The following NAA30 variants were observed in gnomAD, a reference collection of about 807,000 sequenced individuals.
NAA30 encodes N-alpha-acetyltransferase 30.
In NAA30, 5 loss-of-function variants were observed where a neutral mutation model predicts 31.4. The ratio of observed to expected loss-of-function variants is 0.16; its 90% CI spans 0.08 to 0.33. The LOEUF is 0.33. Ranked by LOEUF, NAA30 falls within the 10% of genes least tolerant of loss-of-function variation. NAA30 has a pLI of 1.00. For missense variants in NAA30, 428 were observed against 490.8 expected, an observed-to-expected ratio of 0.87 and a Z score of 1.21; for synonymous variants, 222 against 207.1, an observed-to-expected ratio of 1.07 and a Z score of -0.62.
rs2066516459 is a variant in NAA30 at position 57,410,004 on chromosome 14, G to GT, written c.*489dup. ...TTAAATTTTCCATTCTTGAATATTG[G>GT]TACCTCAGTGATTAGTGAATGAAAA... On this transcript the variant is annotated 3_prime_UTR_variant, in exon 5 of 5. Transcript: ENST00000556492. 1 of 152,562 alleles carries GT rather than the reference G, an allele frequency of 6.6e-6. No individual in the cohort carries two copies. Among genetic ancestry groups the GT allele is most frequent in the Non-Finnish European group, 1.5e-5 (1 of 68,054 alleles). 9.5% of individuals were successfully genotyped at this position (152,562 alleles called of 1,614,324 possible). A position where few individuals can be genotyped will look rare whatever the true frequency, so the allele number is the denominator to read the frequency against.
intron 4 of NAA30, 38 bp downstream of exon 4, chr14:57,399,921 CATT>C: frequency 1.0e-6 from 1 of 952,636 alleles, no homozygotes; most frequent in Non-Finnish European, 1.6e-6. Context: ...TTTATCTGGG[CATT>C]ATTCTTTCTG....
At chr14:57,403,040 G>A (rs758425215) in intron 4 of NAA30, among the ~76,000 whole-genome samples, 3 of 152,136 alleles carry the variant, frequency 2.0e-5, no homozygotes, top group Non-Finnish European at 4.4e-5. Flanking sequence ...AATTAGCTGG[G>A]CGTGGTGCCA....
At chr14:57,399,911 T>C (rs951546441) in intron 4 of NAA30, 28 bp downstream of exon 4, 20 of 1,040,952 alleles carry the variant, frequency 1.9e-5, no homozygotes, top group African/African-American at 7.7e-5. Flanking sequence ...TTTAATATTT[T>C]TTATCTGGGC....
intron 3 of NAA30, 109 bp downstream of exon 3, chr14:57,396,984 G>T: frequency 9.5e-7 from 1 of 1,054,120 alleles, no homozygotes. Context: ...AGAAACTAAG[G>T]GAAGAAAATT....
At chr14:57,401,720 A>G (rs980646707) in intron 4 of NAA30, among the ~76,000 whole-genome samples, 1 of 152,166 alleles carries the variant, frequency 6.6e-6, no homozygotes, top group Non-Finnish European at 1.5e-5. Context: ...TTGCTATCCT[A>G]AGTTACTACT....
rs1178237405 is a variant in NAA30 at position 57,410,915 on chromosome 14, A to ATCTGTTGT, written c.*1401_*1408dup. 1.3e-5 allele frequency: 2 copies of ATCTGTTGT among 152,510 alleles called. No individual in the cohort carries two copies. The highest frequency in any genetic ancestry group is 4.8e-5 in the African/African-American group (2 of 41,436). The allele number at this position is 152,510 out of a possible 1,614,324, so 9.4% of individuals were successfully genotyped here. ...TTCATTCTCTGTGAAAACTGTAGGA[A>ATCTGTTGT]TCTGTTGTTGTTTTCATTTGAATAT... On this transcript the variant is annotated 3_prime_UTR_variant, in exon 5 of 5. Transcript: ENST00000556492.
intron 4 of NAA30, among the ~76,000 whole-genome samples, chr14:57,404,801 G>T (rs763122844): frequency 1.3e-5 from 2 of 152,072 alleles, no homozygotes; most frequent in African/African-American, 4.8e-5. Context: ...ATCGGATCTC[G>T]TGAGACTTAA....
At position 57,396,832 on chromosome 14, in the gene NAA30, A is replaced by C; in HGVS notation, c.852A>C (p.Ile284=). The change falls in exon 3 of 5, where the codon ATA becomes ATC. Residue 284 remains isoleucine, a synonymous_variant. Coordinates refer to ENST00000556492, the MANE Select transcript of NAA30 (RefSeq NM_001011713.3). ...MHKKMFRRGY[I]AMLAVDSKYR... Reference sequence around the variant, plus strand: ...AAAAGATGTTCCGCAGAGGTTATATAGCCATGTTAGCCGTGGATTCCAAAT... The same window carrying C: ...AAAAGATGTTCCGCAGAGGTTATATCGCCATGTTAGCCGTGGATTCCAAAT... The C allele has an allele frequency of 6.2e-7, 1 of 1,614,130 alleles. No homozygotes were observed. Among genetic ancestry groups the C allele is most frequent in the Non-Finnish European group, 8.5e-7 (1 of 1,179,976 alleles).
At chr14:57,390,870 T>C (rs1489044525) in intron 1 of NAA30, 87 bp from the exon 2 acceptor site, 1 of 1,385,706 alleles carries the variant, frequency 7.2e-7, no homozygotes, top group Non-Finnish European at 9.4e-7. Context: ...TCCCCCCACC[T>C]CGGCCGCCCC....
At position 57,391,128 on chromosome 14, in the gene NAA30, G is replaced by T; in HGVS notation, c.171G>T (p.Ala57=). ...AAGGCGGCGGCAGCAGGAGCCCGGC[G>T]GGCGGAGAGTCGGCGACGGTGGCGG... ...EHEGGGSRSP[A]GGESATVAAK... is the part of the protein sequence containing the mutation. The change falls in exon 2 of 5, where the codon GCG becomes GCT. Residue 57 remains alanine, a synonymous_variant. Transcript: ENST00000556492. The surrounding 1 kb of genome is among the most constrained non-coding windows in gnomAD (Gnocchi z 4.1). The T allele has an allele frequency of 1.3e-6, 2 of 1,576,654 alleles. No individual in the cohort carries two copies. The highest frequency in any genetic ancestry group is 1.2e-5 in the South Asian group (1 of 86,752).
rs1405028095 is a variant in NAA30, at chr14:57,415,376, A to C, written c.*5860A>C. 3.3e-5 allele frequency: 5 copies of C among 152,224 alleles called. No homozygotes were observed. Among genetic ancestry groups the C allele is most frequent in the Non-Finnish European group, 7.3e-5 (5 of 68,042 alleles). 9.4% of individuals were successfully genotyped at this position (152,224 alleles called of 1,614,324 possible). The stretch of plus-strand genomic sequence containing the variant: ...GTCTCCTATGTTTTCCTTTCATGCC[A>C]AAGAAACTCACCCTTTTTAAAAGCC... On this transcript the variant is annotated 3_prime_UTR_variant, in exon 5 of 5. Transcript: ENST00000556492.
chr14:57,415,094 A>G lies in NAA30; in HGVS notation c.*5578A>G, dbSNP rs1008516364. On this transcript the variant is annotated 3_prime_UTR_variant, in exon 5 of 5. Coordinates refer to ENST00000556492, the MANE Select transcript of NAA30 (RefSeq NM_001011713.3). The stretch of plus-strand genomic sequence containing the variant: ...CTTAATTTTCTAATACCTCAGTTTC[A>G]TGAGAACTGTATGTACATTTTTGTA... The G allele has an allele frequency of 3.9e-5, 6 of 152,182 alleles. No individual in the cohort carries two copies. The highest frequency in any genetic ancestry group is 1.4e-4 in the African/African-American group (6 of 41,442). 9.4% of individuals were successfully genotyped at this position (152,182 alleles called of 1,614,324 possible).
chr14:57,391,515 G>A lies in NAA30; in HGVS notation c.558G>A (p.Leu186=). 1 of 1,613,490 alleles carries A rather than the reference G, an allele frequency of 6.2e-7. No individual in the cohort carries two copies. Among genetic ancestry groups the A allele is most frequent in the Non-Finnish European group, 8.5e-7 (1 of 1,179,902 alleles). Residue 186 remains leucine, a synonymous_variant, in exon 2 of 5, where the codon CTG becomes CTA. Coordinates refer to ENST00000556492, the MANE Select transcript of NAA30 (RefSeq NM_001011713.3). The surrounding 1 kb of genome is among the most constrained non-coding windows in gnomAD (Gnocchi z 4.1). The stretch of plus-strand genomic sequence containing the variant: ...AGGAGGAAGACGAGCAGGTGCGGCT[G>A]CTGTCTTCGTCCCTGACCGCCGACT... ...EEEEEDEQVR[L]LSSSLTADCS... is the part of the protein sequence containing the mutation.
At chr14:57,404,948 G>C (rs1049657409) in intron 4 of NAA30, among the ~76,000 whole-genome samples, 21 of 152,034 alleles carry the variant, frequency 1.4e-4, no homozygotes, top group Non-Finnish European at 2.2e-4. Context: ...ATCCAATTTG[G>C]TGTTTTCTTT....
chr14:57,413,621 A>G lies in NAA30; in HGVS notation c.*4105A>G, dbSNP rs2139769771. ...ATTCTTGTGCCTTAGCCTCCTGAGT[A>G]GCTGGGACTACAGGTGCATGCCACC... On this transcript the variant is annotated 3_prime_UTR_variant, in exon 5 of 5. Transcript: ENST00000556492. 1 of 152,390 alleles carries G rather than the reference A, an allele frequency of 6.6e-6. No homozygotes were observed. Among genetic ancestry groups the G allele is most frequent in the Middle Eastern group, 3.4e-3 (1 of 298 alleles). 9.4% of individuals were successfully genotyped at this position (152,390 alleles called of 1,614,324 possible). A position where few individuals can be genotyped will look rare whatever the true frequency, so the allele number is the denominator to read the frequency against.
At chr14:57,405,534 T>G (rs1462289200) in intron 4 of NAA30, among the ~76,000 whole-genome samples, 1 of 152,130 alleles carries the variant, frequency 6.6e-6, no homozygotes, top group African/African-American at 2.4e-5. Flanking sequence ...GCAAGGATTT[T>G]GGGTGAGTAG....
At chr14:57,396,371 A>G (rs1248974471) in intron 2 of NAA30, among the ~76,000 whole-genome samples, 1 of 151,132 alleles carries the variant, frequency 6.6e-6, no homozygotes, top group Non-Finnish European at 1.5e-5. Context: ...CTTTTTCTTT[A>G]TAATCATTTT....
Position 57,391,834 on chromosome 14 carries a change from CAT to C in NAA30, c.771+108_771+109del. On this transcript the variant is annotated intron_variant, in intron 2 of 4. Transcript: ENST00000556492. This position sits in a 1 kb window ranked among gnomAD's most constrained non-coding sequence, Gnocchi z 4.1. ...GCAGTGGATATCTCCTGCTGCGTAT[CAT>C]AGTACGTTATATGATGTCAAGTGCT... 1 of 830,520 alleles carries C rather than the reference CAT, an allele frequency of 1.2e-6. No individual in the cohort carries two copies. The highest frequency in any genetic ancestry group is 1.9e-6 in the Non-Finnish European group (1 of 520,268). The allele number at this position is 830,520 out of a possible 1,614,324, so 51.4% of individuals were successfully genotyped here.
Position 57,391,251 on chromosome 14 carries a change from C to A in NAA30, c.294C>A (p.Ala98=). ...ISPELRHLRA[A]ASLKSKVLSV... ...CCGAACTGCGGCACCTCCGGGCGGC[C>A]GCCTCCCTCAAGAGCAAGGTCCTGA... Residue 98 remains alanine (A), a synonymous_variant, in exon 2 of 5, where the codon GCC becomes GCA. Transcript: ENST00000556492. This position sits in a 1 kb window ranked among gnomAD's most constrained non-coding sequence, Gnocchi z 4.1. 1 of 1,612,132 alleles carries A rather than the reference C, an allele frequency of 6.2e-7. No homozygotes were observed. The highest frequency in any genetic ancestry group is 8.5e-7 in the Non-Finnish European group (1 of 1,179,770).
Sources: gnomAD v4.1 joint callset for allele counts (sites outside exome capture counted in the v4.1 genomes callset) on GRCh38, gnomAD v4.1.1 for gene constraint, Gnocchi (gnomAD v3.1) non-coding constraint, MANE v1.5 for transcripts, NCBI Gene and HGNC (gene_info 2026-07-23, HGNC 2026-07-21) for gene names.